The following ABAT variants were observed in gnomAD, a reference collection of about 807,000 sequenced individuals.
The protein encoded by ABAT is 4-aminobutyrate aminotransferase, also known as 4-aminobutyrate aminotransferase, mitochondrial.
Under a neutral mutation model 64.6 loss-of-function variants are expected in ABAT, and 45 were observed. The observed-to-expected ratio is 0.70, with a 90% CI of 0.55 to 0.89. The LOEUF is 0.89. ABAT is among the 40% of genes least tolerant of loss of function. ABAT has a pLI of 0.00. For missense variants in ABAT, 633 were observed against 658.4 expected (o/e 0.96, Z 0.42); for synonymous variants, 297 against 250.5 (o/e 1.19, Z -1.75).
intron 11 of ABAT, 141 bp downstream of exon 11, chr16:8,769,114 G>C: frequency 1.7e-6 from 2 of 1,178,558 alleles, no homozygotes; most frequent in Non-Finnish European, 2.5e-6. Context: ...CAGGGACACA[G>C]AGGCCTTGCG....
rs2060275251 is a variant in ABAT, at chr16:8,776,727, TG to T, written c.1269+238del. On this transcript the variant is annotated intron_variant, in intron 14 of 15. Coordinates refer to ENST00000268251, the MANE Select transcript of ABAT (RefSeq NM_020686.6). This position sits in a 1 kb window ranked among gnomAD's most constrained non-coding sequence, Gnocchi z 4.4. ...CTGAACTCCTGGTTTTCTTTGTTGT[TG>T]TTTTTTTTAATTTATTTTTTATTTT... is the stretch of plus-strand genomic sequence containing the variant. Among the ~76,000 whole-genome samples, 2 of 152,164 alleles carry T rather than the reference TG, an allele frequency of 1.3e-5. No homozygotes were observed. Among genetic ancestry groups the T allele is most frequent in the South Asian group, 4.1e-4 (2 of 4,826 alleles).
At chr16:8,750,153 T>G (rs1341947912) in intron 4 of ABAT, among the ~76,000 whole-genome samples, 1 of 152,228 alleles carries the variant, frequency 6.6e-6, no homozygotes, top group Non-Finnish European at 1.5e-5. Context: ...AGAATCGACT[T>G]CAGATTTGTA....
intron 1 of ABAT, among the ~76,000 whole-genome samples, chr16:8,719,630 G>C (rs898432406): frequency 6.6e-6 from 1 of 152,104 alleles, no homozygotes; most frequent in African/African-American, 2.4e-5. Flanking sequence ...CAGGACCACC[G>C]CATGTGCCAA....
rs190434729 is a variant in ABAT, at chr16:8,741,680, T to G, written c.71-4321T>G. ...GTTCTGTTCTCTTGTGGTGTATTGT[T>G]ATATGTCATCATTAAGAGAATATTC... On this transcript the variant is annotated intron_variant, in intron 2 of 15. Transcript: ENST00000268251. 2.4e-3 allele frequency among the ~76,000 whole-genome samples: 365 copies of G among 152,330 alleles called. 12 individuals are homozygous for G. Among genetic ancestry groups the G allele is most frequent in the Admixed American group, 0.023 (354 of 15,282 alleles).
intron 1 of ABAT, among the ~76,000 whole-genome samples, chr16:8,733,270 T>A (rs1183293615): frequency 2.0e-5 from 3 of 147,132 alleles, no homozygotes; most frequent in Admixed American, 6.7e-5. Context: ...TTCCTAGATG[T>A]GATGGCGGCC....
intron 1 of ABAT, among the ~76,000 whole-genome samples, chr16:8,687,254 T>G (rs2057475962): frequency 6.6e-6 from 1 of 152,176 alleles, no homozygotes; most frequent in East Asian, 1.9e-4. Flanking sequence ...CTTCAGAAGC[T>G]GAGCTCCGGT....
At chr16:8,757,836 C>CA (rs775216834) in intron 6 of ABAT, 30 bp downstream of exon 6, 1 of 1,607,810 alleles carries the variant, frequency 6.2e-7, no homozygotes, top group East Asian at 2.2e-5. Context: ...AGAAGAAAGA[C>CA]AAAATATGTT....
rs543599614 is a variant in ABAT at position 8,739,957 on chromosome 16, C to G, written c.70+4148C>G. Among the ~76,000 whole-genome samples the G allele has an allele frequency of 1.4e-3, 214 of 151,544 alleles. 1 individual carries two copies. The highest frequency in any genetic ancestry group is 4.9e-3 in the African/African-American group (203 of 41,274). On this transcript the variant is annotated intron_variant, in intron 2 of 15. Transcript: ENST00000268251. ...ATATGGTTTTTTAAGAATACTAAAA[C>G]ACAGTGTTGGCAAAGATACAGGAAT... is the stretch of plus-strand genomic sequence containing the variant.
chr16:8,730,968 A>G (rs115672339), intron 1 of ABAT, among the ~76,000 whole-genome samples: 1 of 152,116 alleles, frequency 6.6e-6, no homozygotes, highest in African/African-American at 2.4e-5. Context: ...ACTATTTCTA[A>G]TTTTTTGTGT....
chr16:8,752,654 C>T (rs773385435), intron 5 of ABAT, among the ~76,000 whole-genome samples: 2 of 152,116 alleles, frequency 1.3e-5, no homozygotes, highest in Non-Finnish European at 2.9e-5. Flanking sequence ...GTAGTCCCAG[C>T]TACTCTGGAG....
chr16:8,753,803 G>C (rs11866199), intron 5 of ABAT, among the ~76,000 whole-genome samples: 36,043 of 151,944 alleles, frequency 0.24, 4,437 homozygotes, highest in African/African-American at 0.31. Flanking sequence ...CCCCTCCAAG[G>C]CTGTCTCATC....
At chr16:8,741,781 G>C (rs1242784559) in intron 2 of ABAT, among the ~76,000 whole-genome samples, 1 of 152,156 alleles carries the variant, frequency 6.6e-6, no homozygotes, top group Non-Finnish European at 1.5e-5. Flanking sequence ...CAGAAGTATT[G>C]GGATTGCAAG....
intron 8 of ABAT, among the ~76,000 whole-genome samples, chr16:8,765,573 G>C (rs944223692): frequency 1.3e-5 from 2 of 148,368 alleles, no homozygotes; most frequent in Non-Finnish European, 3.0e-5. Context: ...GCTGAGGTGG[G>C]AGGATCACTT....
chr16:8,757,725 T>C (rs1222769398), intron 5 of ABAT, 32 bp from the exon 6 acceptor site: 1 of 1,610,922 alleles, frequency 6.2e-7, no homozygotes, highest in Non-Finnish European at 8.5e-7. Flanking sequence ...TTGGATGCAA[T>C]GAGGTCTCTA....
At chr16:8,753,909 G>T (rs1192354424) in intron 5 of ABAT, among the ~76,000 whole-genome samples, 1 of 152,090 alleles carries the variant, frequency 6.6e-6, no homozygotes, top group Non-Finnish European at 1.5e-5. Flanking sequence ...GGTGATGCCA[G>T]GTCTTTAATA....
At chr16:8,697,946 C>A (rs1335297571) in intron 1 of ABAT, among the ~76,000 whole-genome samples, 1 of 152,088 alleles carries the variant, frequency 6.6e-6, no homozygotes, top group African/African-American at 2.4e-5. Context: ...CCTGTGCAAG[C>A]TTTAAATTGC....
rs1242175863 is a variant in ABAT at position 8,779,576 on chromosome 16, T to A, written c.1367T>A (p.Ile456Asn). Reference protein sequence around the residue: ...DDSIRNKLILIARNKGVVLGG... With the variant: ...DDSIRNKLILNARNKGVVLGG... ...TCCATACGGAATAAGCTCATTTTAA[T>A]TGCCAGAAACAAAGGTAAGGGGTCA... is the stretch of plus-strand genomic sequence containing the variant. Residue 456 changes from isoleucine to asparagine, a missense_variant, in exon 15 of 16, where the codon ATT becomes AAT. By Grantham distance (149) the Ile-to-Asn change is moderately radical. Coordinates refer to ENST00000268251, the MANE Select transcript of ABAT (RefSeq NM_020686.6). 1 of 1,613,954 alleles carries A rather than the reference T, an allele frequency of 6.2e-7. No homozygotes were observed. The highest frequency in any genetic ancestry group is 2.2e-5 in the East Asian group (1 of 44,898).
intron 11 of ABAT, 51 bp from the exon 12 acceptor site, chr16:8,772,729 A>G (rs780797000): frequency 6.2e-7 from 1 of 1,612,972 alleles, no homozygotes; most frequent in Non-Finnish European, 8.5e-7. Flanking sequence ...ACCCACGGAT[A>G]CTGGTCACAA....
chr16:8,678,799 C>G (rs189041641), intron 1 of ABAT, among the ~76,000 whole-genome samples: 4 of 152,132 alleles, frequency 2.6e-5, no homozygotes, highest in Non-Finnish European at 5.9e-5. Flanking sequence ...GATCCACATT[C>G]CTGACCTTGA....
Sources: gnomAD v4.1 joint callset for allele counts (sites outside exome capture counted in the v4.1 genomes callset) on GRCh38, gnomAD v4.1.1 for gene constraint, Gnocchi (gnomAD v3.1) non-coding constraint, MANE v1.5 for transcripts, NCBI Gene and HGNC (gene_info 2026-07-23, HGNC 2026-07-21) for gene names.